Variants in MPPED1 observed in about 807,000 individuals in gnomAD.
MPPED1 encodes metallophosphoesterase domain containing 1.
MPPED1 carries 16 observed loss-of-function variants against 36.2 expected under a neutral mutation model. The observed-to-expected ratio is 0.44, with a 90% CI of 0.30 to 0.67. The LOEUF is 0.67. MPPED1 is among the 30% of genes least tolerant of loss of function. The pLI, the probability that MPPED1 is intolerant of heterozygous loss-of-function variation, is 0.10. For missense variants in MPPED1, 307 were observed against 453.4 expected, an observed-to-expected ratio of 0.68 and a Z score of 2.93; for synonymous variants, 199 against 191.3, an observed-to-expected ratio of 1.04 and a Z score of -0.33.
At chr22:43,433,634 G>T (rs1929846066) in intron 2 of MPPED1, among the ~76,000 whole-genome samples, 2 of 151,770 alleles carry the variant, frequency 1.3e-5, no homozygotes, top group African/African-American at 4.8e-5. Context: ...GCATCGTGGT[G>T]GGGAGAGGCT....
At chr22:43,478,473 T>G (rs537753689) in intron 4 of MPPED1, among the ~76,000 whole-genome samples, 2 of 152,004 alleles carry the variant, frequency 1.3e-5, no homozygotes, top group Non-Finnish European at 2.9e-5. Flanking sequence ...ATAAGAGCCA[T>G]GAAGGAGGGG....
At chr22:43,424,842 T>A in intron 1 of MPPED1, 66 bp from the exon 2 acceptor site, 1 of 1,447,222 alleles carries the variant, frequency 6.9e-7, no homozygotes, top group Non-Finnish European at 9.1e-7. Flanking sequence ...TAAATCTTCA[T>A]CTGACATTAA....
chr22:43,489,644 G>A (rs1170390677), intron 4 of MPPED1, among the ~76,000 whole-genome samples: 5 of 151,990 alleles, frequency 3.3e-5, no homozygotes, highest in Non-Finnish European at 5.9e-5. Context: ...TCAGCCTCCT[G>A]AGTAGCTGGG....
chr22:43,501,851 C>G (rs1167802238), intron 5 of MPPED1, among the ~76,000 whole-genome samples: 1 of 151,916 alleles, frequency 6.6e-6, no homozygotes, highest in Non-Finnish European at 1.5e-5. Context: ...TCATCTTTGT[C>G]TCTATCTCTG....
intron 4 of MPPED1, among the ~76,000 whole-genome samples, chr22:43,489,799 G>A (rs938776846): frequency 7.2e-5 from 11 of 152,162 alleles, no homozygotes; most frequent in Non-Finnish European, 1.3e-4. Flanking sequence ...GATTATAGGC[G>A]TGAGCCGCTG....
intron 3 of MPPED1, among the ~76,000 whole-genome samples, chr22:43,453,102 A>G (rs1248983193): frequency 6.6e-6 from 1 of 151,656 alleles, no homozygotes; most frequent in Non-Finnish European, 1.5e-5. Context: ...GGCACCCGCT[A>G]CCACGCCCGG....
At chr22:43,475,885 A>G (rs201848575) in intron 4 of MPPED1, among the ~76,000 whole-genome samples, 4,999 of 56,440 alleles carry the variant, frequency 0.089, 93 homozygotes, top group East Asian at 0.23. Flanking sequence ...GATGATGGTG[A>G]TGATGGTGGT....
chr22:43,423,877 C>A (rs1929362665), intron 1 of MPPED1, among the ~76,000 whole-genome samples: 2 of 152,194 alleles, frequency 1.3e-5, no homozygotes, highest in Admixed American at 1.3e-4. Context: ...GACAAAAAGT[C>A]TTCAAGGCAT....
intron 4 of MPPED1, among the ~76,000 whole-genome samples, chr22:43,483,384 C>T (rs568315025): frequency 6.6e-6 from 1 of 152,238 alleles, no homozygotes; most frequent in East Asian, 1.9e-4. Flanking sequence ...CCCGTCTCCA[C>T]CCTGCCCCAT....
intron 3 of MPPED1, among the ~76,000 whole-genome samples, chr22:43,447,534 G>C (rs1569073086): frequency 6.6e-6 from 1 of 151,908 alleles, no homozygotes; most frequent in Non-Finnish European, 1.5e-5. Context: ...CAGCATAAAC[G>C]TTGTCAGAAG....
At chr22:43,427,687 G>C (rs547474701) in intron 2 of MPPED1, among the ~76,000 whole-genome samples, 14 of 152,158 alleles carry the variant, frequency 9.2e-5, no homozygotes, top group Non-Finnish European at 7.3e-5. Context: ...TTAGGACCTT[G>C]GGCGCTGAGC....
chr22:43,418,203 A>G (rs1478331325), intron 1 of MPPED1: 2 of 455,690 alleles, frequency 4.4e-6, no homozygotes, highest in Non-Finnish European at 8.8e-6. Flanking sequence ...CACTTTCGAG[A>G]GCCGGAGAGG....
intron 5 of MPPED1, among the ~76,000 whole-genome samples, chr22:43,500,331 G>GAGGTGGTGATGGTGATGGTGA (rs1932675084): frequency 8.5e-6 from 1 of 117,302 alleles, no homozygotes; most frequent in African/African-American, 3.1e-5. Context: ...GATGGTGGTG[G>GAGGTGGTGATGGTGATGGTGA]TGGAGGTGGT....
intron 4 of MPPED1, among the ~76,000 whole-genome samples, chr22:43,495,572 ATGG>A (rs1932274730): frequency 3.1e-4 from 3 of 9,602 alleles, no homozygotes; most frequent in South Asian, 3.4e-3. Flanking sequence ...GGTGGAGGTG[ATGG>A]TGGAGGTGGT....
In MPPED1 at chr22:43,502,087, G is replaced by GGGGGCA; in HGVS notation, c.749-554_749-549dup. Among the ~76,000 whole-genome samples the GGGGGCA allele has an allele frequency of 6.6e-6, 1 of 152,258 alleles. No individual in the cohort carries two copies. The highest frequency in any genetic ancestry group is 1.9e-4 in the East Asian group (1 of 5,164). Reference sequence around the variant, plus strand: ...TGGGCGGCTCCAGGAGGCTGGCAGCGGGGGCAGGCGCAGGCGCAGCCACGT... The same window carrying GGGGGCA: ...TGGGCGGCTCCAGGAGGCTGGCAGCGGGGGCAGGGGCAGGCGCAGGCGCAGCCACGT... On this transcript the variant is annotated intron_variant, in intron 5 of 6. Coordinates refer to ENST00000443721, the MANE Select transcript of MPPED1 (RefSeq NM_001044370.2). The surrounding 1 kb of genome is among the most constrained non-coding windows in gnomAD (Gnocchi z 5.5).
intron 3 of MPPED1, among the ~76,000 whole-genome samples, chr22:43,473,606 A>G (rs1931447969): frequency 6.6e-6 from 1 of 152,180 alleles, no homozygotes; most frequent in Non-Finnish European, 1.5e-5. Context: ...TACAGGTACC[A>G]TCTTGACTCT....
chr22:43,487,136 C>A (rs1409336203), intron 4 of MPPED1, among the ~76,000 whole-genome samples: 2 of 152,076 alleles, frequency 1.3e-5, no homozygotes, highest in Non-Finnish European at 2.9e-5. Context: ...CTGAAGCCGG[C>A]CTGGGCAGGA....
chr22:43,452,432 T>C (rs1930603612), intron 3 of MPPED1, among the ~76,000 whole-genome samples: 1 of 152,154 alleles, frequency 6.6e-6, no homozygotes, highest in South Asian at 2.1e-4. Context: ...GCTCCTCAGC[T>C]GCCTGTGTGT....
intron 1 of MPPED1, among the ~76,000 whole-genome samples, chr22:43,412,392 G>A (rs1928933427): frequency 6.6e-6 from 1 of 152,066 alleles, no homozygotes; most frequent in African/African-American, 2.4e-5. Context: ...GACTCCGGCT[G>A]GGGCCGCGGG....
Sources: gnomAD v4.1 joint callset for allele counts (sites outside exome capture counted in the v4.1 genomes callset) on GRCh38, gnomAD v4.1.1 for gene constraint, Gnocchi (gnomAD v3.1) non-coding constraint, MANE v1.5 for transcripts, NCBI Gene and HGNC (gene_info 2026-07-23, HGNC 2026-07-21) for gene names.